Variants in XRCC6 observed in about 807,000 individuals in gnomAD.
XRCC6 encodes DNA repair protein Ku70.
XRCC6 carries 5 observed loss-of-function variants against 65.7 expected under a neutral mutation model. The observed-to-expected ratio is 0.08, with a 90% CI of 0.04 to 0.16. The LOEUF (loss-of-function observed/expected upper bound fraction) is 0.16, where lower values mean the gene tolerates loss of function less well. Ranked by LOEUF, XRCC6 falls within the 10% of genes least tolerant of loss-of-function variation. XRCC6 has a pLI of 1.00. For synonymous variants in XRCC6, 270 were observed against 270.6 expected (o/e 1.00, Z 0.02); for missense variants, 447 against 738.1 (o/e 0.61, Z 4.57).
intron 3 of XRCC6, among the ~76,000 whole-genome samples, chr22:41,628,981 A>AC (rs959446351): frequency 2.6e-5 from 4 of 151,276 alleles, no homozygotes; most frequent in East Asian, 1.9e-4. Flanking sequence ...AAAAAAAAAA[A>AC]AAAAAAAACA....
intron 7 of XRCC6, among the ~76,000 whole-genome samples, chr22:41,650,040 AATAG>A (rs998287378): frequency 1.3e-5 from 2 of 151,780 alleles, no homozygotes; most frequent in Non-Finnish European, 2.9e-5. Context: ...AATAATAATA[AATAG>A]ATATGGTTTA....
chr22:41,653,960 C>T (rs1345854611), intron 9 of XRCC6, among the ~76,000 whole-genome samples: 1 of 152,132 alleles, frequency 6.6e-6, no homozygotes, highest in East Asian at 1.9e-4. Context: ...AGATTACTGA[C>T]ACAAGTTCTT....
intron 6 of XRCC6, among the ~76,000 whole-genome samples, chr22:41,644,438 A>T (rs1044226842): frequency 6.6e-6 from 1 of 152,082 alleles, no homozygotes; most frequent in Non-Finnish European, 1.5e-5. Context: ...TAATATAAGA[A>T]TTTTTTGCAT....
chr22:41,628,096 T>C (rs1413106692), intron 2 of XRCC6, 22 bp from the exon 3 acceptor site: 3 of 1,527,854 alleles, frequency 2.0e-6, no homozygotes, highest in Non-Finnish European at 2.7e-6. Context: ...ACAAACATTT[T>C]CTTCCATTTT....
At chr22:41,637,851 G>A (rs2067826012) in intron 6 of XRCC6, 60 bp downstream of exon 6, 6 of 1,540,240 alleles carry the variant, frequency 3.9e-6, no homozygotes, top group Admixed American at 1.9e-5. Context: ...CAGGCTGGGC[G>A]CGGTGGCTCA....
chr22:41,653,590 G>A lies in XRCC6; in HGVS notation c.1191G>A (p.Leu397=). The A allele has an allele frequency of 6.2e-7, 1 of 1,614,096 alleles. No homozygotes were observed. Among genetic ancestry groups the A allele is most frequent in the East Asian group, 2.2e-5 (1 of 44,878 alleles). ...GTCTGGAGAAGGAGGTTGCAGCATT[G>A]TGCAGATACACACCCCGCAGGAACA... ...IKCLEKEVAA[L]CRYTPRRNIP... Residue 397 remains leucine, a synonymous_variant, in exon 9 of 13, where the codon TTG becomes TTA. Transcript: ENST00000360079.
chr22:41,642,095 C>T (rs575385615), intron 6 of XRCC6, among the ~76,000 whole-genome samples: 1 of 152,244 alleles, frequency 6.6e-6, no homozygotes, highest in South Asian at 2.1e-4. Context: ...CTTTCTTTAT[C>T]CATTCTTCTT....
At chr22:41,629,983 C>CTTTTTTTT (rs60191841) in intron 3 of XRCC6, among the ~76,000 whole-genome samples, 5 of 93,550 alleles carry the variant, frequency 5.3e-5, no homozygotes, top group Non-Finnish European at 8.9e-5. Context: ...TGCATTTATG[C>CTTTTTTTT]TTTTTTTTTT....
chr22:41,624,182 C>T (rs981197350), intron 2 of XRCC6, among the ~76,000 whole-genome samples: 9 of 151,432 alleles, frequency 5.9e-5, no homozygotes, highest in Non-Finnish European at 1.0e-4. Flanking sequence ...GTCAGGAGTT[C>T]GAGACCACCC....
In XRCC6 at chr22:41,650,817, C is replaced by T; in HGVS notation, c.1055C>T (p.Pro352Leu). 1 of 1,613,942 alleles carries T rather than the reference C, an allele frequency of 6.2e-7. No individual in the cohort carries two copies. The highest frequency in any genetic ancestry group is 8.5e-7 in the Non-Finnish European group (1 of 1,179,904). ...DPGLMLMGFK[P>L]LVLLKKHHYL... ...GGTTTGATGCTCATGGGTTTCAAGC[C>T]GTTGGTACTGCTGAAGAAACACCAT... Residue 352 changes from proline to leucine, a missense_variant, in exon 8 of 13, where the codon CCG becomes CTG. Transcript: ENST00000360079.
intron 5 of XRCC6, 125 bp from the exon 6 acceptor site, chr22:41,637,483 C>T: frequency 1.1e-6 from 1 of 878,786 alleles, no homozygotes. Context: ...TTTCTAAGTC[C>T]TGAAAATGTT....
chr22:41,661,287 G>A, intron 11 of XRCC6, 44 bp from the exon 12 acceptor site: 3 of 1,558,628 alleles, frequency 1.9e-6, no homozygotes, highest in African/African-American at 2.7e-5. Context: ...GCAAGCTGGG[G>A]CTCGTGACTC....
intron 3 of XRCC6, among the ~76,000 whole-genome samples, chr22:41,629,648 G>T (rs1467590297): frequency 1.3e-5 from 2 of 151,654 alleles, no homozygotes; most frequent in East Asian, 1.9e-4. Context: ...GAATGTTTGT[G>T]TGTGTATTTA....
chr22:41,646,764 A>G (rs893629526), intron 6 of XRCC6, 132 bp from the exon 7 acceptor site: 37 of 753,292 alleles, frequency 4.9e-5, no homozygotes, highest in Non-Finnish European at 7.7e-5. Context: ...ATTAAAAAGC[A>G]TATTTATATT....
chr22:41,649,137 A>AT (rs1555906685), intron 7 of XRCC6, among the ~76,000 whole-genome samples: 1,771 of 92,688 alleles, frequency 0.019, 33 homozygotes, highest in African/African-American at 0.057. Context: ...AAAAAAAAAA[A>AT]AAATATATAT....
At chr22:41,625,165 C>T (rs949570914) in intron 2 of XRCC6, among the ~76,000 whole-genome samples, 4 of 151,890 alleles carry the variant, frequency 2.6e-5, no homozygotes, top group Non-Finnish European at 5.9e-5. Flanking sequence ...ATAAGCCAGG[C>T]GTGGTAGCGC....
At position 41,636,134 on chromosome 22, in the gene XRCC6, A is replaced by T; in HGVS notation, c.217A>T (p.Ser73Cys). 1 of 1,591,354 alleles carries T rather than the reference A, an allele frequency of 6.3e-7. No homozygotes were observed. Among genetic ancestry groups the T allele is most frequent in the Non-Finnish European group, 8.5e-7 (1 of 1,174,952 alleles). ...SIQCIQSVYI[S>C]KIISSDRDLL... Reference sequence around the variant, plus strand: ...TCAGTGTATCCAAAGTGTGTACATCAGTAAGATCATAAGCAGTGATCGAGA... The same window carrying T: ...TCAGTGTATCCAAAGTGTGTACATCTGTAAGATCATAAGCAGTGATCGAGA... Residue 73 changes from serine to cysteine, a missense_variant, in exon 4 of 13, where the codon AGT becomes TGT. Physicochemically the swap from Ser to Cys is moderately radical, Grantham distance 112. Around this residue, in one of 4 missense-constraint regions of XRCC6, gnomAD observed 228 missense variants for 307.4 expected, o/e 0.74. Transcript: ENST00000360079.
intron 9 of XRCC6, among the ~76,000 whole-genome samples, chr22:41,656,046 A>G (rs1032938720): frequency 6.6e-6 from 1 of 151,322 alleles, no homozygotes; most frequent in Non-Finnish European, 1.5e-5. Context: ...CCTGAGCAAC[A>G]TGGTGAAACT....
At chr22:41,649,180 GTA>G (rs1040702328) in intron 7 of XRCC6, among the ~76,000 whole-genome samples, 4 of 133,500 alleles carry the variant, frequency 3.0e-5, no homozygotes, top group African/African-American at 1.1e-4. Context: ...ATGTGTGTGT[GTA>G]TATATATATC....
Sources: gnomAD v4.1 joint callset for allele counts (sites outside exome capture counted in the v4.1 genomes callset) on GRCh38, gnomAD v4.1.1 for gene constraint, gnomAD v4.1.1 regional missense constraint, MANE v1.5 for transcripts, NCBI Gene and HGNC (gene_info 2026-07-23, HGNC 2026-07-21) for gene names.